Variants in DNM3 observed in about 807,000 individuals in gnomAD.
The protein encoded by DNM3 is dynamin-3.
In DNM3, 47 loss-of-function variants were observed where a neutral mutation model predicts 101.6. That is an observed-to-expected ratio of 0.46 (90% confidence interval 0.37 to 0.59). The LOEUF (loss-of-function observed/expected upper bound fraction) is 0.59, where lower values mean the gene tolerates loss of function less well. DNM3 is among the 20% of genes least tolerant of loss of function. The pLI is 0.00. For missense variants in DNM3, 849 were observed against 1,085.7 expected (o/e 0.78, Z 3.06); for synonymous variants, 385 against 387.9 (o/e 0.99, Z 0.09).
intron 15 of DNM3, among the ~76,000 whole-genome samples, chr1:172,257,690 G>T (rs996563569): frequency 6.6e-6 from 1 of 151,942 alleles, no homozygotes; most frequent in Non-Finnish European, 1.5e-5. Flanking sequence ...CATCACAAGT[G>T]TATATCATTT....
intron 14 of DNM3, among the ~76,000 whole-genome samples, chr1:172,252,191 G>A (rs1311997862): frequency 2.6e-5 from 4 of 151,992 alleles, no homozygotes; most frequent in East Asian, 1.9e-4. Context: ...TTCTCTAAGC[G>A]ACTTCCTTCA....
At position 171,847,896 on chromosome 1, in the gene DNM3, C is replaced by CTCTCTGTGTG. The variant is rs1200145388; in HGVS notation, c.161+6080_161+6081insCTCTGTGTGT. Among the ~76,000 whole-genome samples the CTCTCTGTGTG allele has an allele frequency of 3.1e-4, 44 of 141,238 alleles. No homozygotes were observed. In the Middle Eastern group the frequency reaches 0.011, roughly 35 times the overall value. The allele number at this position is 141,238 out of a possible 152,430, so 92.7% of individuals were successfully genotyped here. On this transcript the variant is annotated intron_variant, in intron 1 of 20. Transcript: ENST00000627582. Reference sequence around the variant, plus strand: ...TATTAATTACTCTCTCTCTCTCTCTCTGTGTGTGTGTGTGTGTGTGTGTGT... The same window carrying CTCTCTGTGTG: ...TATTAATTACTCTCTCTCTCTCTCTCTCTCTGTGTGTGTGTGTGTGTGTGTGTGTGTGTGT...
intron 15 of DNM3, among the ~76,000 whole-genome samples, chr1:172,302,025 C>T (rs1172527409): frequency 6.6e-6 from 1 of 152,158 alleles, no homozygotes; most frequent in African/African-American, 2.4e-5. Context: ...CTCACTGCGA[C>T]CAGTTGGACA....
chr1:172,114,414 G>A (rs2055741030), intron 13 of DNM3, among the ~76,000 whole-genome samples: 1 of 152,152 alleles, frequency 6.6e-6, no homozygotes, highest in South Asian at 2.1e-4. Context: ...ATATTGAGAT[G>A]TAGGTGATCA....
At chr1:172,353,014 CT>C (rs1558033348) in intron 17 of DNM3, among the ~76,000 whole-genome samples, 2 of 152,136 alleles carry the variant, frequency 1.3e-5, no homozygotes, top group African/African-American at 2.4e-5. Context: ...GATTACTCTT[CT>C]TTTTCAAATC....
rs185032794 is a variant in DNM3 at position 172,130,467 on chromosome 1, T to C, written c.1546-708T>C. Among the ~76,000 whole-genome samples, 540 of 152,308 alleles carry C rather than the reference T, an allele frequency of 3.5e-3. 7 individuals are homozygous for C. The highest frequency in any genetic ancestry group is 0.012 in the African/African-American group (516 of 41,576). On this transcript the variant is annotated intron_variant, in intron 13 of 20. Coordinates refer to ENST00000627582, the MANE Select transcript of DNM3 (RefSeq NM_015569.5). The stretch of plus-strand genomic sequence containing the variant: ...TTAAATCTATAATCCAAGTTGTTAA[T>C]ATTTTAAAACTTAAAACCTGTTTAA...
chr1:171,971,229 A>G (rs1253906093), intron 2 of DNM3, among the ~76,000 whole-genome samples: 1 of 151,812 alleles, frequency 6.6e-6, no homozygotes, highest in East Asian at 1.9e-4. Flanking sequence ...GCTTTTGTTA[A>G]TCACTTGTTT....
chr1:172,103,888 C>A (rs190664447), intron 13 of DNM3, among the ~76,000 whole-genome samples: 2 of 152,288 alleles, frequency 1.3e-5, no homozygotes, highest in Non-Finnish European at 2.9e-5. Context: ...GTAATTTCAG[C>A]TACTCAGGAG....
chr1:171,896,208 G>A (rs1000139613), intron 1 of DNM3, among the ~76,000 whole-genome samples: 4 of 152,166 alleles, frequency 2.6e-5, no homozygotes, highest in Admixed American at 1.3e-4. Context: ...GGATGGCATT[G>A]AATCTATAAA....
chr1:171,977,878 T>A (rs2180748), intron 2 of DNM3, among the ~76,000 whole-genome samples: 2 of 151,984 alleles, frequency 1.3e-5, no homozygotes, highest in Admixed American at 6.6e-5. Flanking sequence ...ACATTACAAC[T>A]CTCACATGTA....
intron 16 of DNM3, among the ~76,000 whole-genome samples, chr1:172,317,870 T>A (rs1412588201): frequency 6.6e-6 from 1 of 152,054 alleles, no homozygotes; most frequent in Non-Finnish European, 1.5e-5. Context: ...AAAGAGGGAA[T>A]CCTCCCTAAC....
intron 15 of DNM3, among the ~76,000 whole-genome samples, chr1:172,271,870 T>C (rs749156474): frequency 2.0e-5 from 3 of 152,136 alleles, no homozygotes; most frequent in Non-Finnish European, 4.4e-5. Flanking sequence ...TCTACAATGC[T>C]TAAAAATCAC....
chr1:172,299,818 T>C (rs529881772), intron 15 of DNM3, among the ~76,000 whole-genome samples: 62 of 152,340 alleles, frequency 4.1e-4, no homozygotes, highest in African/African-American at 1.4e-3. Context: ...ATGTCTTTGC[T>C]ATTATGAAGA....
intron 1 of DNM3, among the ~76,000 whole-genome samples, chr1:171,861,930 G>T (rs182337126): frequency 6.6e-6 from 1 of 152,154 alleles, no homozygotes; most frequent in South Asian, 2.1e-4. Flanking sequence ...TTAGGCAGAA[G>T]ACTTGATTTT....
At chr1:172,034,170 T>TA (rs967996601) in intron 6 of DNM3, among the ~76,000 whole-genome samples, 4 of 152,088 alleles carry the variant, frequency 2.6e-5, no homozygotes, top group African/African-American at 9.7e-5. Context: ...TTTTAGAAAA[T>TA]AAAAAATTAT....
intron 4 of DNM3, among the ~76,000 whole-genome samples, chr1:172,002,798 T>G (rs951158254): frequency 1.3e-5 from 2 of 152,054 alleles, no homozygotes; most frequent in African/African-American, 2.4e-5. Flanking sequence ...AATTTGGATT[T>G]TTAAAAAGTA....
intron 17 of DNM3, among the ~76,000 whole-genome samples, chr1:172,359,125 A>AACACAC (rs10683483): frequency 0.15 from 21,471 of 145,560 alleles, 1,854 homozygotes; most frequent in Middle Eastern, 0.24. Context: ...ACTCCCACAA[A>AACACAC]ACACACACAC....
intron 16 of DNM3, chr1:172,309,472 C>T (rs2064988858): frequency 6.6e-6 from 1 of 152,168 alleles, no homozygotes; most frequent in Non-Finnish European, 1.5e-5. Flanking sequence ...ACAGACTAGT[C>T]TAAATTTAAA....
At chr1:172,245,720 A>G (rs16844128) in intron 14 of DNM3, among the ~76,000 whole-genome samples, 25,148 of 152,138 alleles carry the variant, frequency 0.17, 2,435 homozygotes, top group East Asian at 0.24. Context: ...GGCAGACCAT[A>G]AGGTTCCAGC....
Sources: allele counts gnomAD v4.1 joint callset (sites outside exome capture counted in the v4.1 genomes callset), GRCh38; gene constraint gnomAD v4.1.1; transcripts MANE v1.5; gene names NCBI Gene and HGNC (gene_info 2026-07-23, HGNC 2026-07-21).